Variants in CHST11 observed in about 807,000 individuals in gnomAD.
The protein encoded by CHST11 is C4S-1.
Under a neutral mutation model 30.4 loss-of-function variants are expected in CHST11, and 9 were observed. The observed-to-expected ratio is 0.30, with a 90% CI of 0.18 to 0.52. The LOEUF (loss-of-function observed/expected upper bound fraction) is 0.52, where lower values mean the gene tolerates loss of function less well. Among genes scored for constraint, CHST11 ranks in the 20% least tolerant of loss-of-function variants. CHST11 has a pLI of 0.97. For synonymous variants in CHST11, 152 were observed against 187.8 expected, an observed-to-expected ratio of 0.81 and a Z score of 1.56; for missense variants, 348 against 460.6, an observed-to-expected ratio of 0.76 and a Z score of 2.24.
intron 2 of CHST11, among the ~76,000 whole-genome samples, chr12:104,721,936 A>T (rs1407063377): frequency 2.6e-5 from 4 of 152,152 alleles, no homozygotes; most frequent in Non-Finnish European, 4.4e-5. Flanking sequence ...TTAAACTCAG[A>T]TCCACGTCCC....
At chr12:104,601,833 C>A in intron 1 of CHST11, 73 bp from the exon 2 acceptor site, 1 of 1,234,216 alleles carries the variant, frequency 8.1e-7, no homozygotes, top group Non-Finnish European at 1.2e-6. Context: ...CTTCCCTACT[C>A]TGTGCCTTTT....
At chr12:104,609,408 C>T (rs758702559) in intron 2 of CHST11, among the ~76,000 whole-genome samples, 30 of 152,184 alleles carry the variant, frequency 2.0e-4, no homozygotes, top group African/African-American at 6.8e-4. Flanking sequence ...AATAGACTAG[C>T]GAGGCCCATT....
chr12:104,563,163 C>T (rs2038530304), intron 1 of CHST11, among the ~76,000 whole-genome samples: 1 of 152,160 alleles, frequency 6.6e-6, no homozygotes, highest in South Asian at 2.1e-4. Context: ...GTCTCAGCCT[C>T]CCGAGTAGCT....
intron 2 of CHST11, among the ~76,000 whole-genome samples, chr12:104,720,949 A>AG (rs1434002855): frequency 6.6e-6 from 1 of 152,164 alleles, no homozygotes; most frequent in Non-Finnish European, 1.5e-5. Flanking sequence ...GGATGTAGGA[A>AG]GGGCGGAGAA....
At chr12:104,514,524 T>G in intron 1 of CHST11, 2 of 560,930 alleles carry the variant, frequency 3.6e-6, no homozygotes, top group Non-Finnish European at 6.4e-6. Context: ...TTTACAACAT[T>G]TCTCTAAAAA....
intron 2 of CHST11, among the ~76,000 whole-genome samples, chr12:104,648,046 C>A (rs1375735334): frequency 6.6e-6 from 1 of 152,170 alleles, no homozygotes; most frequent in Non-Finnish European, 1.5e-5. Context: ...GCATGGTATT[C>A]TGTTGGTCAC....
intron 2 of CHST11, among the ~76,000 whole-genome samples, chr12:104,609,212 CT>C (rs2039035280): frequency 6.6e-6 from 1 of 152,234 alleles, no homozygotes; most frequent in Non-Finnish European, 1.5e-5. Flanking sequence ...GTCTAATTAT[CT>C]TCTTTGACTC....
At chr12:104,744,871 T>C (rs1371106557) in intron 2 of CHST11, among the ~76,000 whole-genome samples, 1 of 150,526 alleles carries the variant, frequency 6.6e-6, no homozygotes, top group Non-Finnish European at 1.5e-5. Context: ...ATTTATTTAT[T>C]TATTTATTTA....
rs187405694 is a variant in CHST11, at chr12:104,615,054, G to A, written c.204+13063G>A. Among the ~76,000 whole-genome samples the A allele has an allele frequency of 2.0e-4, 31 of 152,268 alleles. No individual in the cohort carries two copies. The East Asian group carries it at 2.5e-3, about 12-fold the overall frequency. Reference sequence around the variant, plus strand: ...TCTGTTGTTCAATGTCTGCATTACCGCACTGGGAGACACTTGACAGATTGG... The same window carrying A: ...TCTGTTGTTCAATGTCTGCATTACCACACTGGGAGACACTTGACAGATTGG... On this transcript the variant is annotated intron_variant, in intron 2 of 2. Coordinates refer to ENST00000303694, the MANE Select transcript of CHST11 (RefSeq NM_018413.6).
intron 2 of CHST11, among the ~76,000 whole-genome samples, chr12:104,625,515 G>A (rs1441758136): frequency 1.3e-5 from 2 of 152,172 alleles, no homozygotes; most frequent in South Asian, 2.1e-4. Flanking sequence ...ATGTTGGCCA[G>A]GCTGGTCTTG....
intron 2 of CHST11, among the ~76,000 whole-genome samples, chr12:104,731,304 A>G (rs2040255802): frequency 6.6e-6 from 1 of 152,234 alleles, no homozygotes. Context: ...CCAGCAAACT[A>G]AACAGGCAGT....
chr12:104,691,604 C>T (rs1222959798), intron 2 of CHST11, among the ~76,000 whole-genome samples: 1 of 151,702 alleles, frequency 6.6e-6, no homozygotes, highest in African/African-American at 2.4e-5. Flanking sequence ...TCTCCTGCCT[C>T]AGCCTCCCAA....
intron 2 of CHST11, among the ~76,000 whole-genome samples, chr12:104,716,581 G>A (rs1335222333): frequency 6.6e-6 from 1 of 152,238 alleles, no homozygotes; most frequent in Admixed American, 6.5e-5. Context: ...ATGAGGGCAG[G>A]GGATGGCCTG....
chr12:104,741,119 G>C (rs968315077), intron 2 of CHST11, among the ~76,000 whole-genome samples: 1 of 152,254 alleles, frequency 6.6e-6, no homozygotes, highest in Admixed American at 6.5e-5. Flanking sequence ...AGCTGCCCTG[G>C]AGGGAGGGCA....
At chr12:104,596,798 A>G (rs1490428669) in intron 1 of CHST11, among the ~76,000 whole-genome samples, 8 of 152,140 alleles carry the variant, frequency 5.3e-5, no homozygotes, top group Non-Finnish European at 1.2e-4. Flanking sequence ...ATTTTGTGAG[A>G]TATGACTTCC....
chr12:104,611,729 G>C (rs976844752), intron 2 of CHST11, among the ~76,000 whole-genome samples: 1 of 152,150 alleles, frequency 6.6e-6, no homozygotes, highest in Non-Finnish European at 1.5e-5. Flanking sequence ...CCAAGTCTCC[G>C]ATTCATGCTG....
At chr12:104,631,261 TG>T (rs2039267132) in intron 2 of CHST11, among the ~76,000 whole-genome samples, 1 of 152,194 alleles carries the variant, frequency 6.6e-6, no homozygotes, top group Non-Finnish European at 1.5e-5. Flanking sequence ...TCCTTTTCAG[TG>T]GGGTCACCCG....
At chr12:104,682,588 G>T (rs773835146) in intron 2 of CHST11, among the ~76,000 whole-genome samples, 2 of 152,172 alleles carry the variant, frequency 1.3e-5, no homozygotes, top group Non-Finnish European at 1.5e-5. Context: ...TCTTGGCCTG[G>T]ATCTTGGTAG....
chr12:104,571,737 G>A (rs2038627806), intron 1 of CHST11, among the ~76,000 whole-genome samples: 1 of 152,212 alleles, frequency 6.6e-6, no homozygotes, highest in Non-Finnish European at 1.5e-5. Context: ...CCACTGGTTA[G>A]ACTAGAAAAA....
Sources: gnomAD v4.1 joint callset for allele counts (sites outside exome capture counted in the v4.1 genomes callset) on GRCh38, gnomAD v4.1.1 for gene constraint, MANE v1.5 for transcripts, NCBI Gene and HGNC (gene_info 2026-07-23, HGNC 2026-07-21) for gene names.